Variants in CETP observed in about 807,000 individuals in gnomAD.
CETP encodes cholesteryl ester transfer protein.
In CETP, 56 loss-of-function variants were observed where a neutral mutation model predicts 66.5. That is an observed-to-expected ratio of 0.84 (90% confidence interval 0.68 to 1.05). The LOEUF (loss-of-function observed/expected upper bound fraction) is 1.05, where lower values mean the gene tolerates loss of function less well. CETP is among the 50% of genes least tolerant of loss of function. The pLI is 0.00. For missense variants in CETP, 612 were observed against 609.6 expected (o/e 1.00, Z -0.04); for synonymous variants, 251 against 245.7 (o/e 1.02, Z -0.20).
chr16:56,983,004 C>T (rs1392345869), intron 14 of CETP, among the ~76,000 whole-genome samples: 1 of 152,154 alleles, frequency 6.6e-6, no homozygotes, highest in African/African-American at 2.4e-5. Flanking sequence ...CTTTGAGAAG[C>T]TGTGTGGGAA....
chr16:56,975,107 C>T lies in CETP; in HGVS notation c.937C>T (p.Leu313=), dbSNP rs2056140288. 11 of 1,613,986 alleles carry T rather than the reference C, an allele frequency of 6.8e-6. No individual in the cohort carries two copies. Among genetic ancestry groups the T allele is most frequent in the African/African-American group, 1.3e-5 (1 of 74,914 alleles). Residue 313 remains leucine (L), a synonymous_variant, in exon 10 of 16, where the codon CTG becomes TTG. Transcript: ENST00000200676. ...CTTCCTCATTTCTTTTCAGGCAGTG[C>T]TGGAGACCTGGGGCTTCAACACCAA... ...SLMGDEFKAV[L]ETWGFNTNQE... is the part of the protein sequence containing the mutation.
chr16:56,972,026 C>T lies in CETP; in HGVS notation c.693C>T (p.Asp231=). ...TTTCAGATGGAGACATTGGGGTGGA[C>T]ATTTCCCTGACAGGTGATCCCGTCA... ...SILSDGDIGV[D]ISLTGDPVIT... The change falls in exon 8 of 16, where the codon GAC becomes GAT. Residue 231 remains aspartate, a synonymous_variant. Transcript: ENST00000200676. 6.2e-7 allele frequency: 1 copy of T among 1,614,170 alleles called. No individual in the cohort carries two copies. The highest frequency in any genetic ancestry group is 8.5e-7 in the Non-Finnish European group (1 of 1,180,018).
chr16:56,964,273 C>T (rs1489941776), intron 2 of CETP, among the ~76,000 whole-genome samples: 2 of 152,134 alleles, frequency 1.3e-5, no homozygotes, highest in Non-Finnish European at 2.9e-5. Flanking sequence ...GTGATCCACC[C>T]GCCTCGGCCT....
chr16:56,969,903 T>C lies in CETP; in HGVS notation c.440-11T>C. The C allele has an allele frequency of 6.2e-7, 1 of 1,612,976 alleles. No individual in the cohort carries two copies. The highest frequency in any genetic ancestry group is 8.5e-7 in the Non-Finnish European group (1 of 1,179,536). On this transcript the variant is annotated splice_polypyrimidine_tract_variant and intron_variant, in intron 4 of 15. Transcript: ENST00000200676. ...GAGGCTGCCCTGAGGTCATGTCGGG[T>C]CTCCCTGCAGCCTGTGACTCTGGTA...
intron 2 of CETP, 62 bp downstream of exon 2, chr16:56,963,186 C>T (rs1339502461): frequency 1.5e-6 from 2 of 1,364,464 alleles, no homozygotes; most frequent in South Asian, 1.2e-5. Flanking sequence ...CAGCCTGGGG[C>T]TTGCCCCCAG....
chr16:56,973,063 C>T (rs868259081), intron 8 of CETP, among the ~76,000 whole-genome samples: 6 of 152,212 alleles, frequency 3.9e-5, no homozygotes, highest in African/African-American at 1.4e-4. Context: ...GCTGCCCTGA[C>T]TAATGTCGTT....
At position 56,972,037 on chromosome 16, in the gene CETP, C is replaced by T. The variant is rs2141999269; in HGVS notation, c.704C>T (p.Thr235Ile). Residue 235 changes from threonine (T) to isoleucine (I), a missense_variant, in exon 8 of 16, where the codon ACA (threonine) becomes ATA (isoleucine). By Grantham distance (89) the Thr-to-Ile change is moderately conservative. Coordinates refer to ENST00000200676, the MANE Select transcript of CETP (RefSeq NM_000078.3). ...DGDIGVDISL[T>I]GDPVITASYL... ...GACATTGGGGTGGACATTTCCCTGACAGGTGATCCCGTCATCACAGCCTCC... is the reference window on the plus strand; with the variant it reads ...GACATTGGGGTGGACATTTCCCTGATAGGTGATCCCGTCATCACAGCCTCC... 1 of 1,614,202 alleles carries T rather than the reference C, an allele frequency of 6.2e-7. No individual in the cohort carries two copies. Among genetic ancestry groups the T allele is most frequent in the Non-Finnish European group, 8.5e-7 (1 of 1,180,030 alleles).
At chr16:56,969,816 GA>G in intron 4 of CETP, 97 bp from the exon 5 acceptor site, 3 of 1,535,554 alleles carry the variant, frequency 2.0e-6, no homozygotes, top group Non-Finnish European at 2.7e-6. Context: ...CAGGGGTGGG[GA>G]CCCCAGAGCT....
intron 1 of CETP, chr16:56,962,524 G>T: frequency 2.5e-6 from 1 of 398,098 alleles, no homozygotes; most frequent in South Asian, 1.9e-5. Flanking sequence ...ATCACTGACT[G>T]TTGTGTGACT....
chr16:56,975,176 G>A, intron 10 of CETP, 25 bp downstream of exon 10: 10 of 1,612,092 alleles, frequency 6.2e-6, no homozygotes, highest in Non-Finnish European at 6.8e-6. Flanking sequence ...CCCCTGTGTG[G>A]GGTTTATCTC....
chr16:56,967,010 A>G (rs973736675), intron 2 of CETP, among the ~76,000 whole-genome samples: 2 of 152,040 alleles, frequency 1.3e-5, no homozygotes, highest in African/African-American at 2.4e-5. Context: ...AGGTTAGTGT[A>G]TTAGGAGCTT....
In CETP at chr16:56,974,180, G is replaced by A. The variant is rs181381869; in HGVS notation, c.930+670G>A. On this transcript the variant is annotated intron_variant, in intron 9 of 15. Transcript: ENST00000200676. ...AGTATAAAACAATATAAAACAATAT[G>A]AGAGGGTCTGTCTCTCTTCTCTCAG... Among the ~76,000 whole-genome samples the A allele has an allele frequency of 5.5e-3, 841 of 152,246 alleles. 7 individuals are homozygous for A. Among genetic ancestry groups the A allele is most frequent in the Non-Finnish European group, 9.0e-3 (615 of 68,028 alleles).
intron 10 of CETP, among the ~76,000 whole-genome samples, chr16:56,976,709 T>G (rs1042362960): frequency 6.6e-6 from 1 of 152,142 alleles, no homozygotes; most frequent in African/African-American, 2.4e-5. Flanking sequence ...TCCTGGAATT[T>G]CCATGAGACA....
At chr16:56,983,218 A>G (rs1287779717) in intron 14 of CETP, 108 bp from the exon 15 acceptor site, 1 of 844,026 alleles carries the variant, frequency 1.2e-6, no homozygotes, top group African/African-American at 1.7e-5. Context: ...TGTTTACAGA[A>G]TATTGGTCCA....
In CETP at chr16:56,979,024, G is replaced by A. The variant is rs114203109; in HGVS notation, c.1146+769G>A. Among the ~76,000 whole-genome samples, 1,217 of 151,958 alleles carry A rather than the reference G, an allele frequency of 8.0e-3. 23 individuals carry two copies. Among genetic ancestry groups the A allele is most frequent in the African/African-American group, 0.028 (1,152 of 41,424 alleles). ...GTATTTTTAGTAGAGACAGGGTTTC[G>A]CTATGTGGGCCCAGCTGGTCTGAGA... On this transcript the variant is annotated intron_variant, in intron 11 of 15. Coordinates refer to ENST00000200676, the MANE Select transcript of CETP (RefSeq NM_000078.3).
chr16:56,969,376 T>C lies in CETP; in HGVS notation c.234-10T>C, dbSNP rs758852109. Reference sequence around the variant, plus strand: ...CCCCAACATCCTTCCTCACTTCCATTCCTTCCCAGCATCCAGATCAGCCAC... The same window carrying C: ...CCCCAACATCCTTCCTCACTTCCATCCCTTCCCAGCATCCAGATCAGCCAC... On this transcript the variant is annotated splice_polypyrimidine_tract_variant and intron_variant, in intron 2 of 15. Transcript: ENST00000200676. The C allele has an allele frequency of 6.2e-7, 1 of 1,613,574 alleles. No homozygotes were observed. The highest frequency in any genetic ancestry group is 1.1e-5 in the South Asian group (1 of 91,060).
At chr16:56,982,909 C>T (rs2056199149) in intron 14 of CETP, among the ~76,000 whole-genome samples, 1 of 152,194 alleles carries the variant, frequency 6.6e-6, no homozygotes, top group South Asian at 2.1e-4. Flanking sequence ...CCCATCTGAA[C>T]CATGAAGCTA....
chr16:56,966,419 G>C lies in CETP; in HGVS notation c.234-2967G>C, dbSNP rs754390752. Among the ~76,000 whole-genome samples the C allele has an allele frequency of 7.7e-4, 117 of 152,258 alleles. 1 individual carries two copies. The highest frequency in any genetic ancestry group is 2.7e-3 in the African/African-American group (114 of 41,540). ...GCCAGAAAAACTATGATCTACCAGA[G>C]CTCAAGAACTTGAAAGGGCCTTTTC... On this transcript the variant is annotated intron_variant, in intron 2 of 15. Transcript: ENST00000200676.
intron 8 of CETP, 99 bp downstream of exon 8, chr16:56,972,182 G>T: frequency 1.2e-6 from 1 of 857,798 alleles, no homozygotes; most frequent in Non-Finnish European, 1.9e-6. Context: ...CAACCTTATG[G>T]CAGCCAAGAG....
Sources: allele counts gnomAD v4.1 joint callset (sites outside exome capture counted in the v4.1 genomes callset), GRCh38; gene constraint gnomAD v4.1.1; transcripts MANE v1.5; gene names NCBI Gene and HGNC (gene_info 2026-07-23, HGNC 2026-07-21).